Variants in GRIK2 observed in about 807,000 individuals in gnomAD.
GRIK2 encodes glutamate receptor ionotropic, kainate 2.
GRIK2 carries 32 observed loss-of-function variants against 100.3 expected under a neutral mutation model. That is an observed-to-expected ratio of 0.32 (90% CI 0.24 to 0.43). The LOEUF is 0.43. Among genes scored for constraint, GRIK2 ranks in the 20% least tolerant of loss-of-function variants. GRIK2 has a pLI of 1.00. For synonymous variants in GRIK2, 417 were observed against 389.4 expected (o/e 1.07, Z -0.83); for missense variants, 843 against 1,114.9 (o/e 0.76, Z 3.47).
chr6:101,998,812 C>CTTTTTTTTTTTTTTT (rs755522043), intron 14 of GRIK2, among the ~76,000 whole-genome samples: 12 of 110,060 alleles, frequency 1.1e-4, no homozygotes, highest in Non-Finnish European at 2.0e-4. Flanking sequence ...TTTTTCTTTT[C>CTTTTTTTTTTTTTTT]TTTTTTTTTT....
chr6:101,887,498 A>G (rs1226651050), intron 11 of GRIK2, among the ~76,000 whole-genome samples: 2 of 128,420 alleles, frequency 1.6e-5, no homozygotes, highest in Non-Finnish European at 3.4e-5. Context: ...CTTTATGTTC[A>G]TTTTTTACCT....
At chr6:101,794,544 T>C (rs1780155592) in intron 7 of GRIK2, among the ~76,000 whole-genome samples, 1 of 152,184 alleles carries the variant, frequency 6.6e-6, no homozygotes, top group African/African-American at 2.4e-5. Context: ...CATTGCGGTT[T>C]AGTGGTTTTC....
At chr6:101,944,109 G>C (rs911264027) in intron 14 of GRIK2, among the ~76,000 whole-genome samples, 3 of 152,080 alleles carry the variant, frequency 2.0e-5, no homozygotes, top group Non-Finnish European at 4.4e-5. Context: ...TAATTTTAAA[G>C]TGTGTGGCAC....
intron 14 of GRIK2, among the ~76,000 whole-genome samples, chr6:101,942,108 C>A (rs1790993014): frequency 6.6e-6 from 1 of 151,784 alleles, no homozygotes; most frequent in Admixed American, 6.6e-5. Flanking sequence ...TAAAAAAAAA[C>A]ACAGATTTAT....
At chr6:101,599,386 C>T (rs752457453) in intron 2 of GRIK2, among the ~76,000 whole-genome samples, 20 of 151,898 alleles carry the variant, frequency 1.3e-4, no homozygotes, top group Middle Eastern at 3.4e-3. Context: ...CAGACGAGTA[C>T]ATGTGTCTTC....
At chr6:101,670,786 A>G (rs1325413372) in intron 4 of GRIK2, among the ~76,000 whole-genome samples, 1 of 152,192 alleles carries the variant, frequency 6.6e-6, no homozygotes, top group African/African-American at 2.4e-5. Context: ...ATGTTACCCA[A>G]TATAAACATA....
intron 2 of GRIK2, among the ~76,000 whole-genome samples, chr6:101,605,085 C>T (rs1052310189): frequency 1.3e-5 from 2 of 151,894 alleles, no homozygotes; most frequent in African/African-American, 4.8e-5. Flanking sequence ...TATTTTCATT[C>T]CTTAAATCTA....
At chr6:101,452,025 A>G (rs1770724904) in intron 2 of GRIK2, among the ~76,000 whole-genome samples, 1 of 151,822 alleles carries the variant, frequency 6.6e-6, no homozygotes, top group African/African-American at 2.4e-5. Context: ...TTAACTTAAA[A>G]TCATGCTATG....
intron 2 of GRIK2, among the ~76,000 whole-genome samples, chr6:101,528,237 A>T (rs1403565703): frequency 6.6e-6 from 1 of 152,138 alleles, no homozygotes; most frequent in Non-Finnish European, 1.5e-5. Flanking sequence ...CTCATGTAAA[A>T]CATGTGGGGC....
chr6:101,406,956 G>A (rs1431120329), intron 2 of GRIK2, among the ~76,000 whole-genome samples: 1 of 151,930 alleles, frequency 6.6e-6, no homozygotes, highest in African/African-American at 2.4e-5. Context: ...TAAGAATTTG[G>A]AAGATGTTGC....
chr6:101,940,984 G>A (rs899704609), intron 14 of GRIK2, among the ~76,000 whole-genome samples: 3 of 152,034 alleles, frequency 2.0e-5, no homozygotes, highest in East Asian at 1.9e-4. Context: ...GTATTATAGA[G>A]CATGTGATTT....
At chr6:101,807,261 A>G (rs991509579) in intron 9 of GRIK2, among the ~76,000 whole-genome samples, 5 of 151,980 alleles carry the variant, frequency 3.3e-5, no homozygotes, top group African/African-American at 1.2e-4. Context: ...TTTAGATTGC[A>G]GAAGGTCACC....
chr6:102,067,256 T>A (rs1169013130), intron 16 of GRIK2, among the ~76,000 whole-genome samples: 2 of 151,742 alleles, frequency 1.3e-5, no homozygotes, highest in African/African-American at 4.8e-5. Flanking sequence ...ATTTTTGCAA[T>A]GAGAACACTT....
Position 101,991,767 on chromosome 6 carries a change from C to T in GRIK2, c.2086-43574C>T, listed in dbSNP as rs182497196. The stretch of plus-strand genomic sequence containing the variant: ...TATATGATTCTGTTGTTGTTGGTAG[C>T]AGCATGCAAATTTCTGCATACCTTG... On this transcript the variant is annotated intron_variant, in intron 14 of 16. Coordinates refer to ENST00000369134, the MANE Select transcript of GRIK2 (RefSeq NM_021956.5). Among the ~76,000 whole-genome samples the T allele has an allele frequency of 3.2e-4, 48 of 151,530 alleles. 1 individual carries two copies. The highest frequency in any genetic ancestry group is 1.1e-3 in the African/African-American group (45 of 41,488).
intron 7 of GRIK2, among the ~76,000 whole-genome samples, chr6:101,766,246 A>C (rs1488395152): frequency 1.3e-5 from 2 of 151,618 alleles, no homozygotes; most frequent in Non-Finnish European, 2.9e-5. Context: ...TTTTAGAGCA[A>C]CCTGAAAAAA....
At chr6:101,915,741 G>C (rs1481862058) in intron 12 of GRIK2, among the ~76,000 whole-genome samples, 2 of 151,348 alleles carry the variant, frequency 1.3e-5, no homozygotes, top group Non-Finnish European at 3.0e-5. Flanking sequence ...CATTATGTTT[G>C]ATAATTGTTT....
At chr6:101,790,841 C>T (rs1351634135) in intron 7 of GRIK2, among the ~76,000 whole-genome samples, 1 of 151,082 alleles carries the variant, frequency 6.6e-6, no homozygotes, top group Non-Finnish European at 1.5e-5. Flanking sequence ...TGGTCCTGGA[C>T]TCTTTTTGGT....
At chr6:101,670,357 T>G (rs1212317602) in intron 4 of GRIK2, among the ~76,000 whole-genome samples, 1 of 152,126 alleles carries the variant, frequency 6.6e-6, no homozygotes, top group Non-Finnish European at 1.5e-5. Flanking sequence ...TTTTTTTCAC[T>G]CTTCAATGTT....
rs550307464 is a variant in GRIK2 at position 101,818,601 on chromosome 6, A to T, written c.1317+118A>T. On this transcript the variant is annotated intron_variant, in intron 10 of 16. Coordinates refer to ENST00000369134, the MANE Select transcript of GRIK2 (RefSeq NM_021956.5). ...GAATGTATTTTACAGTTATTTAGCA[A>T]TTACTGTACAACAGATGAGTCAATG... The T allele has an allele frequency of 2.5e-4, 161 of 632,190 alleles. 1 individual carries two copies. Among genetic ancestry groups the T allele is most frequent in the African/African-American group, 2.3e-3 (125 of 54,646 alleles). The allele number at this position is 632,190 out of a possible 1,614,324, so 39.2% of individuals were successfully genotyped here. A position where few individuals can be genotyped will look rare whatever the true frequency, so the allele number is the denominator to read the frequency against.
Sources: allele counts gnomAD v4.1 joint callset (sites outside exome capture counted in the v4.1 genomes callset), GRCh38; gene constraint gnomAD v4.1.1; transcripts MANE v1.5; gene names NCBI Gene and HGNC (gene_info 2026-07-23, HGNC 2026-07-21).